ANK2: variants seen among roughly 807,000 people sequenced by gnomAD.
ANK2 encodes the protein ankyrin 2.
Under a neutral mutation model 360.5 loss-of-function variants are expected in ANK2, and 83 were observed. That is an observed-to-expected ratio of 0.23 (90% confidence interval 0.19 to 0.28). The LOEUF (loss-of-function observed/expected upper bound fraction) is 0.28, where lower values mean the gene tolerates loss of function less well. Ranked by LOEUF, ANK2 falls within the 10% of genes least tolerant of loss-of-function variation. ANK2 has a pLI of 1.00. For missense variants in ANK2, 4,201 were observed against 4,795.7 expected, an observed-to-expected ratio of 0.88 and a Z score of 3.66; for synonymous variants, 1,740 against 1,759.5, an observed-to-expected ratio of 0.99 and a Z score of 0.28.
chr4:112,743,473 GTCTTTCTC>G, the ANK2 span, among the ~76,000 whole-genome samples: 6 of 150,130 alleles, frequency 4.0e-5, no homozygotes, highest in Non-Finnish European at 8.9e-5. Context: ...AGTAATCTCG[GTCTTTCTC>G]TCTTTCTCTC....
At chr4:113,025,995 GAA>G (rs2059211560) in intron 2 of ANK2, among the ~76,000 whole-genome samples, 1 of 152,148 alleles carries the variant, frequency 6.6e-6, no homozygotes, top group African/African-American at 2.4e-5. Flanking sequence ...GTAAATAAAT[GAA>G]ACTGGTTGGG....
At chr4:113,277,138 T>TA in intron 15 of ANK2, among the ~76,000 whole-genome samples, 1 of 152,280 alleles carries the variant, frequency 6.6e-6, no homozygotes, top group African/African-American at 2.4e-5. Flanking sequence ...AGCAGCCCTC[T>TA]AAAAAAAGCT....
chr4:113,299,349 A>G (rs753897022), intron 22 of ANK2, among the ~76,000 whole-genome samples: 7 of 152,212 alleles, frequency 4.6e-5, no homozygotes, highest in Non-Finnish European at 1.0e-4. Context: ...TTCTGCAAAA[A>G]TTAACTTTCT....
At chr4:112,882,860 G>C (rs1160796107) in intron 1 of ANK2, among the ~76,000 whole-genome samples, 3 of 151,842 alleles carry the variant, frequency 2.0e-5, no homozygotes, top group Non-Finnish European at 4.4e-5. Flanking sequence ...CTTGTACAAA[G>C]GATGAAAGCC....
chr4:113,287,764 C>G (rs1563446301), intron 19 of ANK2, 61 bp downstream of exon 19: 1 of 1,402,816 alleles, frequency 7.1e-7, no homozygotes, highest in Admixed American at 1.7e-5. Context: ...CCAGTAGCCC[C>G]CATTCGGGTC....
chr4:113,221,160 T>A (rs935357164), intron 4 of ANK2, among the ~76,000 whole-genome samples: 1 of 152,092 alleles, frequency 6.6e-6, no homozygotes, highest in African/African-American at 2.4e-5. Flanking sequence ...GACAGGAAAA[T>A]GCAAAGGAAG....
At position 113,072,742 on chromosome 4, in the gene ANK2, A is replaced by ATTTTTT. The variant is rs34098456; in HGVS notation, c.84+22948_84+22953dup. Among the ~76,000 whole-genome samples the ATTTTTT allele has an allele frequency of 9.7e-3, 722 of 74,166 alleles. 17 individuals carry two copies. Among genetic ancestry groups the ATTTTTT allele is most frequent in the African/African-American group, 0.027 (602 of 22,386 alleles). 48.7% of individuals were successfully genotyped at this position (74,166 alleles called of 152,430 possible). A position where few individuals can be genotyped will look rare whatever the true frequency, so the allele number is the denominator to read the frequency against. On this transcript the variant is annotated intron_variant, in intron 1 of 45. Transcript: ENST00000357077. ...TCCCTTAAAATAGACACTTGGCATA[A>ATTTTTT]TTTTTTTTTTTTTTTTTTTTTTTGC... is the stretch of plus-strand genomic sequence containing the variant.
At chr4:112,988,791 T>C (rs975494678) in intron 2 of ANK2, among the ~76,000 whole-genome samples, 1 of 152,232 alleles carries the variant, frequency 6.6e-6, no homozygotes, top group African/African-American at 2.4e-5. Context: ...ATTATGTGCA[T>C]GAAGACAGGT....
At chr4:113,140,501 T>A (rs10026778) in intron 1 of ANK2, among the ~76,000 whole-genome samples, 77,456 of 151,994 alleles carry the variant, frequency 0.51, 19,991 homozygotes, top group Admixed American at 0.61. Flanking sequence ...GATAGTTTAG[T>A]TTAAGAGAAA....
At chr4:113,028,353 C>T (rs182709965) in intron 2 of ANK2, among the ~76,000 whole-genome samples, 536 of 152,182 alleles carry the variant, frequency 3.5e-3, no homozygotes, top group South Asian at 7.3e-3. Context: ...TCAGTCAGAA[C>T]ACAGCAAGTT....
chr4:112,708,475 G>A, the ANK2 span, among the ~76,000 whole-genome samples: 2 of 152,086 alleles, frequency 1.3e-5, no homozygotes, highest in Non-Finnish European at 2.9e-5. Flanking sequence ...TTTTAGGAAA[G>A]CTTTTGGTGA....
At chr4:113,026,833 G>A (rs1471660958) in intron 2 of ANK2, among the ~76,000 whole-genome samples, 2 of 152,088 alleles carry the variant, frequency 1.3e-5, no homozygotes, top group African/African-American at 4.8e-5. Context: ...ATTAGTATAG[G>A]GAAGAAGCAA....
At chr4:113,160,778 C>T (rs897153715) in intron 1 of ANK2, among the ~76,000 whole-genome samples, 6 of 152,196 alleles carry the variant, frequency 3.9e-5, no homozygotes, top group African/African-American at 1.2e-4. Flanking sequence ...GAGCCATGCA[C>T]AACATCTAGC....
At chr4:113,076,122 T>C (rs943245359) in intron 1 of ANK2, among the ~76,000 whole-genome samples, 2 of 152,240 alleles carry the variant, frequency 1.3e-5, no homozygotes, top group Non-Finnish European at 2.9e-5. Flanking sequence ...TCCAATCTTT[T>C]GGCTTCACTG....
the ANK2 span, among the ~76,000 whole-genome samples, chr4:112,731,493 G>C: frequency 3.3e-5 from 5 of 152,088 alleles, no homozygotes; most frequent in African/African-American, 1.2e-4. Flanking sequence ...GGAGGCTGAG[G>C]TGGGTAGATC....
intron 1 of ANK2, among the ~76,000 whole-genome samples, chr4:112,870,712 G>C (rs1018079902): frequency 1.3e-5 from 2 of 152,186 alleles, no homozygotes; most frequent in African/African-American, 4.8e-5. Context: ...TTGAAATCAG[G>C]AAGTGTGGTT....
intron 23 of ANK2, among the ~76,000 whole-genome samples, chr4:113,306,776 G>A (rs1422983006): frequency 6.6e-6 from 1 of 152,150 alleles, no homozygotes; most frequent in Non-Finnish European, 1.5e-5. Flanking sequence ...ATAGCACGCA[G>A]CTAGTAAGTG....
intron 2 of ANK2, among the ~76,000 whole-genome samples, chr4:112,929,245 T>C (rs2092922536): frequency 1.3e-5 from 2 of 152,236 alleles, no homozygotes; most frequent in Admixed American, 1.3e-4. Flanking sequence ...ACTTACCAGT[T>C]AAAATATCTT....
chr4:113,106,849 G>A (rs1234003009), intron 1 of ANK2: 2 of 528,466 alleles, frequency 3.8e-6, no homozygotes, highest in South Asian at 2.9e-5. Flanking sequence ...AACTGGGCCA[G>A]TTTCTGCCCT....
Sources: gnomAD v4.1 joint callset for allele counts (sites outside exome capture counted in the v4.1 genomes callset) on GRCh38, gnomAD v4.1.1 for gene constraint, MANE v1.5 for transcripts, NCBI Gene and HGNC (gene_info 2026-07-23, HGNC 2026-07-21) for gene names.